IMMP2L: variants seen among roughly 807,000 people sequenced by gnomAD.
The protein encoded by IMMP2L is mitochondrial inner membrane protease subunit 2.
IMMP2L carries 18 observed loss-of-function variants against 19.3 expected under a neutral mutation model. The ratio of observed to expected loss-of-function variants is 0.93; its 90% CI spans 0.64 to 1.38. IMMP2L has a LOEUF of 1.38. Among genes scored for constraint, IMMP2L ranks in the 40% most tolerant of loss-of-function variants. The pLI is 0.00. For synonymous variants in IMMP2L, 76 were observed against 73.0 expected (o/e 1.04, Z -0.21); for missense variants, 233 against 218.2 (o/e 1.07, Z -0.43).
chr7:111,034,505 T>G (rs896672205), intron 3 of IMMP2L, among the ~76,000 whole-genome samples: 1 of 152,118 alleles, frequency 6.6e-6, no homozygotes, highest in Non-Finnish European at 1.5e-5. Context: ...GTATATTTCA[T>G]AGTTATTTTC....
At chr7:110,767,543 T>C (rs1462115213) in intron 5 of IMMP2L, among the ~76,000 whole-genome samples, 1 of 152,116 alleles carries the variant, frequency 6.6e-6, no homozygotes, top group Non-Finnish European at 1.5e-5. Context: ...CCTGCACACA[T>C]CTCTCTCCTA....
chr7:111,388,118 G>C (rs926134343), intron 3 of IMMP2L, among the ~76,000 whole-genome samples: 2 of 150,762 alleles, frequency 1.3e-5, no homozygotes, highest in African/African-American at 2.4e-5. Flanking sequence ...ATATCTAAAA[G>C]AAAATAATAA....
At chr7:110,874,080 A>G (rs986909738) in intron 5 of IMMP2L, among the ~76,000 whole-genome samples, 1 of 152,110 alleles carries the variant, frequency 6.6e-6, no homozygotes, top group African/African-American at 2.4e-5. Context: ...TATACAAATG[A>G]TTTTGTTTTG....
chr7:111,277,455 T>C (rs1326066304), intron 3 of IMMP2L, among the ~76,000 whole-genome samples: 1 of 151,862 alleles, frequency 6.6e-6, no homozygotes, highest in Non-Finnish European at 1.5e-5. Flanking sequence ...ATTCTGGCTA[T>C]TCAGGTGGCT....
intron 1 of IMMP2L, among the ~76,000 whole-genome samples, chr7:111,547,538 T>A (rs1849046460): frequency 7.2e-6 from 1 of 139,428 alleles, no homozygotes; most frequent in Non-Finnish European, 1.6e-5. Flanking sequence ...CTTTTTTGCT[T>A]GTTTTTTTTT....
At chr7:111,203,660 T>A (rs1215092512) in intron 3 of IMMP2L, among the ~76,000 whole-genome samples, 1 of 149,334 alleles carries the variant, frequency 6.7e-6, no homozygotes, top group Non-Finnish European at 1.5e-5. Flanking sequence ...TCTATCACCA[T>A]CAAACATTAG....
chr7:110,669,165 T>A (rs936630034), intron 5 of IMMP2L, among the ~76,000 whole-genome samples: 1 of 151,722 alleles, frequency 6.6e-6, no homozygotes, highest in East Asian at 1.9e-4. Context: ...CATGTGATTA[T>A]GGAGGCTTGG....
intron 2 of IMMP2L, among the ~76,000 whole-genome samples, chr7:111,494,155 C>T (rs953326179): frequency 9.2e-5 from 14 of 152,120 alleles, no homozygotes; most frequent in Non-Finnish European, 1.9e-4. Flanking sequence ...CAAGAGACTA[C>T]ATCAAAATAT....
chr7:110,695,525 G>A (rs1031510301), intron 5 of IMMP2L, among the ~76,000 whole-genome samples: 2 of 152,030 alleles, frequency 1.3e-5, no homozygotes, highest in Non-Finnish European at 2.9e-5. Flanking sequence ...ATAATTTTAT[G>A]TTATTTGAAT....
At chr7:111,299,311 T>C (rs542116777) in intron 3 of IMMP2L, among the ~76,000 whole-genome samples, 16 of 152,254 alleles carry the variant, frequency 1.1e-4, no homozygotes, top group African/African-American at 2.9e-4. Context: ...TACATGAACA[T>C]AGAACCGGCC....
intron 2 of IMMP2L, among the ~76,000 whole-genome samples, chr7:111,498,827 G>A (rs1310182037): frequency 6.6e-6 from 1 of 152,048 alleles, no homozygotes; most frequent in African/African-American, 2.4e-5. Flanking sequence ...CTACAAATGT[G>A]TATCAACAGG....
intron 5 of IMMP2L, among the ~76,000 whole-genome samples, chr7:110,799,771 A>C (rs2131202426): frequency 6.6e-6 from 1 of 152,212 alleles, no homozygotes; most frequent in East Asian, 1.9e-4. Flanking sequence ...GCCTAGGCCA[A>C]GCAGATGGGT....
chr7:110,852,385 C>T (rs1403322852), intron 5 of IMMP2L, among the ~76,000 whole-genome samples: 1 of 152,038 alleles, frequency 6.6e-6, no homozygotes, highest in East Asian at 1.9e-4. Flanking sequence ...GCAAGAACAA[C>T]ACCTTGCATG....
At chr7:110,888,686 C>A (rs910125209) in intron 4 of IMMP2L, among the ~76,000 whole-genome samples, 5 of 152,110 alleles carry the variant, frequency 3.3e-5, no homozygotes, top group African/African-American at 1.2e-4. Context: ...TTGCACTGAC[C>A]GTCTTATCTG....
At chr7:110,755,842 G>A (rs1473629668) in intron 5 of IMMP2L, among the ~76,000 whole-genome samples, 1 of 152,070 alleles carries the variant, frequency 6.6e-6, no homozygotes, top group Non-Finnish European at 1.5e-5. Flanking sequence ...AAAAGATTTG[G>A]TTGAATAAGC....
intron 5 of IMMP2L, among the ~76,000 whole-genome samples, chr7:110,846,123 G>A (rs1294648294): frequency 6.6e-6 from 1 of 152,026 alleles, no homozygotes; most frequent in Non-Finnish European, 1.5e-5. Context: ...ACCACAATCA[G>A]GTGATTTGTT....
In IMMP2L at chr7:110,760,401, C is replaced by G. The variant is rs1798280604; in HGVS notation, c.409-96680G>C. On this transcript the variant is annotated intron_variant, in intron 5 of 5. Transcript: ENST00000405709. This position sits in a 1 kb window ranked among gnomAD's most constrained non-coding sequence, Gnocchi z 4.2. ...GAAAATGTTTTAAAACTGTGAAGGG[C>G]TCTGAAGCTGATGTTTTCCATTATC... Among the ~76,000 whole-genome samples the G allele has an allele frequency of 6.6e-6, 1 of 152,082 alleles. No homozygotes were observed. Among genetic ancestry groups the G allele is most frequent in the Non-Finnish European group, 1.5e-5 (1 of 67,998 alleles).
chr7:110,986,701 G>A (rs984320728), intron 3 of IMMP2L, among the ~76,000 whole-genome samples: 8 of 151,950 alleles, frequency 5.3e-5, no homozygotes, highest in Admixed American at 3.9e-4. Context: ...TTTGATTGTT[G>A]GTCAAATCTC....
At chr7:111,035,252 AC>A (rs1250550574) in intron 3 of IMMP2L, among the ~76,000 whole-genome samples, 2 of 152,190 alleles carry the variant, frequency 1.3e-5, no homozygotes, top group Non-Finnish European at 2.9e-5. Flanking sequence ...ACGTGTAAAG[AC>A]AATGACAGAA....
Sources: gnomAD v4.1 joint callset for allele counts (sites outside exome capture counted in the v4.1 genomes callset) on GRCh38, gnomAD v4.1.1 for gene constraint, Gnocchi (gnomAD v3.1) non-coding constraint, MANE v1.5 for transcripts, NCBI Gene and HGNC (gene_info 2026-07-23, HGNC 2026-07-21) for gene names.